Variants in CATSPERG observed in about 807,000 individuals in gnomAD.
The protein encoded by CATSPERG is catsper channel auxiliary subunit gamma, also known as cation channel sperm-associated auxiliary subunit gamma.
Under a neutral mutation model 145.0 loss-of-function variants are expected in CATSPERG, and 115 were observed. The ratio of observed to expected loss-of-function variants is 0.79; its 90% CI spans 0.68 to 0.93. CATSPERG has a LOEUF of 0.93. Ranked by LOEUF, CATSPERG falls within the 40% of genes least tolerant of loss-of-function variation. The pLI is 0.00. For synonymous variants in CATSPERG, 588 were observed against 589.0 expected (o/e 1.00, Z 0.02); for missense variants, 1,296 against 1,490.1 (o/e 0.87, Z 2.14).
chr19:38,341,160 G>T (rs1043960381), intron 3 of CATSPERG, among the ~76,000 whole-genome samples: 1 of 152,140 alleles, frequency 6.6e-6, no homozygotes. Context: ...AAGGTTTTTG[G>T]GGCTTGATGG....
In CATSPERG at chr19:38,343,867, GC is replaced by G. The variant is rs1969979443; in HGVS notation, c.470-122del. 4.3e-6 allele frequency: 6 copies of G among 1,403,470 alleles called. No homozygotes were observed. In the Admixed American group the frequency reaches 1.3e-4, roughly 31 times the overall value. 86.9% of individuals were successfully genotyped at this position (1,403,470 alleles called of 1,614,324 possible). On this transcript the variant is annotated intron_variant, in intron 4 of 28. Coordinates refer to ENST00000409235, the MANE Select transcript of CATSPERG (RefSeq NM_021185.5). ...CATGGCCTAGAGGGGCCACACAGAG[GC>G]CCCAGTGGGACCCATGGCGTGGAGG...
chr19:38,336,705 G>A, intron 1 of CATSPERG: 2 of 257,750 alleles, frequency 7.8e-6, no homozygotes, highest in South Asian at 7.9e-5. Context: ...GGCAGAAGCA[G>A]TACGGGGGAA....
Position 38,359,594 on chromosome 19 carries a change from G to A in CATSPERG, c.1608+13G>A, listed in dbSNP as rs753373186. On this transcript the variant is annotated intron_variant, in intron 14 of 28. Coordinates refer to ENST00000409235, the MANE Select transcript of CATSPERG (RefSeq NM_021185.5). ...AGAGACGGAGGAGGTGGGCTGCCCC[G>A]CCCCTCTCCCCGTTCCCTCTCTGCC... 5.7e-6 allele frequency: 9 copies of A among 1,585,472 alleles called. No individual in the cohort carries two copies. The highest frequency in any genetic ancestry group is 4.5e-5 in the East Asian group (2 of 44,306).
In CATSPERG at chr19:38,370,934, T is replaced by G. The variant is rs1316191745; in HGVS notation, c.*142T>G. On this transcript the variant is annotated 3_prime_UTR_variant, in exon 29 of 29. Transcript: ENST00000409235. ...TCTCGTTCAGACTCAAATAAAGCCT[T>G]TTTTCAGGACCAGCAGTGGGCTCTC... 2 of 880,546 alleles carry G rather than the reference T, an allele frequency of 2.3e-6. No homozygotes were observed. Among genetic ancestry groups the G allele is most frequent in the Admixed American group, 5.2e-5 (2 of 38,632 alleles). 54.5% of individuals were successfully genotyped at this position (880,546 alleles called of 1,614,324 possible).
intron 1 of CATSPERG, 63 bp from the exon 2 acceptor site, chr19:38,337,158 A>G: frequency 6.6e-7 from 1 of 1,521,188 alleles, no homozygotes; most frequent in East Asian, 2.5e-5. Context: ...AGCGAGGTGG[A>G]ATCTTAAAAG....
At chr19:38,364,771 C>T in intron 20 of CATSPERG, 120 bp from the exon 21 acceptor site, 1 of 781,828 alleles carries the variant, frequency 1.3e-6, no homozygotes, top group Non-Finnish European at 2.2e-6. Flanking sequence ...AAAATGGCAG[C>T]CTTCCGTTTT....
At chr19:38,361,261 A>G (rs1970339100) in intron 16 of CATSPERG, among the ~76,000 whole-genome samples, 1 of 151,924 alleles carries the variant, frequency 6.6e-6, no homozygotes, top group South Asian at 2.1e-4. Context: ...GCAGGATCGG[A>G]TTTTACCGCG....
chr19:38,364,842 G>C (rs773414530), intron 20 of CATSPERG, 49 bp from the exon 21 acceptor site: 5 of 1,429,372 alleles, frequency 3.5e-6, no homozygotes, highest in Non-Finnish European at 4.9e-6. Context: ...GGACTTTGGG[G>C]AGACCTGTTC....
Position 38,367,420 on chromosome 19 carries a change from G to T in CATSPERG, c.2771-89G>T. The T allele has an allele frequency of 3.2e-6, 5 of 1,556,792 alleles. No individual in the cohort carries two copies. The South Asian group carries it at 4.7e-5, about 15-fold the overall frequency. Reference sequence around the variant, plus strand: ...CCGCAGACTACCCACCCTTTTTCCTGCGGCATCTCACTTTCCCCCGTCTCG... The same window carrying T: ...CCGCAGACTACCCACCCTTTTTCCTTCGGCATCTCACTTTCCCCCGTCTCG... On this transcript the variant is annotated intron_variant, in intron 23 of 28. Coordinates refer to ENST00000409235, the MANE Select transcript of CATSPERG (RefSeq NM_021185.5).
chr19:38,369,982 C>A lies in CATSPERG; in HGVS notation c.3031C>A (p.Leu1011Met). The stretch of plus-strand genomic sequence containing the variant: ...ATCTTTGGCTTGCAGGTGGCTCTGT[C>A]TGGAGAATGCCCCATGCTATGACAA... ...HESPGIEWLC[L>M]ENAPCYDNVP... The change falls in exon 27 of 29, where the codon CTG becomes ATG. Residue 1011 changes from leucine (L) to methionine (M), a missense_variant. By Grantham distance (15) the Leu-to-Met change is conservative (BLOSUM62 2). Transcript: ENST00000409235. 1.2e-6 allele frequency: 2 copies of A among 1,614,228 alleles called. No homozygotes were observed. The highest frequency in any genetic ancestry group is 1.7e-6 in the Non-Finnish European group (2 of 1,180,026).
intron 7 of CATSPERG, among the ~76,000 whole-genome samples, chr19:38,346,893 G>A (rs550746789): frequency 6.6e-6 from 1 of 152,282 alleles, no homozygotes; most frequent in Non-Finnish European, 1.5e-5. Flanking sequence ...TTACTTCATA[G>A]GATTGTTGTG....
intron 22 of CATSPERG, chr19:38,365,416 G>A (rs749917270): frequency 5.7e-5 from 18 of 315,626 alleles, no homozygotes; most frequent in South Asian, 4.2e-4. Flanking sequence ...GATTATAGGC[G>A]CCCGCCACCA....
chr19:38,364,851 T>C, intron 20 of CATSPERG, 40 bp from the exon 21 acceptor site: 1 of 1,496,236 alleles, frequency 6.7e-7, no homozygotes, highest in Non-Finnish European at 9.3e-7. Context: ...GGAGACCTGT[T>C]CACCCCTTCA....
At chr19:38,357,515 C>CAAAAAA (rs3033507) in intron 11 of CATSPERG, among the ~76,000 whole-genome samples, 9 of 134,130 alleles carry the variant, frequency 6.7e-5, no homozygotes, top group South Asian at 2.5e-4. Flanking sequence ...GACCCGGTCT[C>CAAAAAA]AAAAAAAAAA....
At position 38,358,521 on chromosome 19, in the gene CATSPERG, A is replaced by G; in HGVS notation, c.1456A>G (p.Asn486Asp). The G allele has an allele frequency of 6.2e-7, 1 of 1,614,166 alleles. No homozygotes were observed. The highest frequency in any genetic ancestry group is 8.5e-7 in the Non-Finnish European group (1 of 1,180,024). The part of the protein sequence containing the change: ...APKGIFCNPY[N>D]NLIFIWGNFL... ...CAAGGGCATCTTCTGTAACCCGTAC[A>G]ACAATCTGATCTTCATCTGGGGCAA... The change falls in exon 13 of 29, where the codon AAC becomes GAC. Residue 486 changes from asparagine to aspartate, a missense_variant. Coordinates refer to ENST00000409235, the MANE Select transcript of CATSPERG (RefSeq NM_021185.5).
At chr19:38,368,587 AGG>A (rs1970495744) in intron 26 of CATSPERG, among the ~76,000 whole-genome samples, 1 of 152,224 alleles carries the variant, frequency 6.6e-6, no homozygotes, top group Non-Finnish European at 1.5e-5. Context: ...TTTGTTGCCC[AGG>A]CTGGAATGCA....
intron 7 of CATSPERG, among the ~76,000 whole-genome samples, 172 bp from the exon 8 acceptor site, chr19:38,352,089 G>A (rs958518750): frequency 1.3e-5 from 2 of 152,222 alleles, no homozygotes; most frequent in South Asian, 2.1e-4. Flanking sequence ...TGGTCCATAT[G>A]GGGGAGGTTT....
intron 8 of CATSPERG, 131 bp from the exon 9 acceptor site, chr19:38,354,579 C>A: frequency 1.9e-6 from 2 of 1,057,054 alleles, no homozygotes; most frequent in Non-Finnish European, 2.7e-6. Flanking sequence ...TGCTCCCTGA[C>A]ACCACACTGA....
At chr19:38,345,822 A>G (rs1970032717) in intron 6 of CATSPERG, among the ~76,000 whole-genome samples, 1 of 152,076 alleles carries the variant, frequency 6.6e-6, no homozygotes, top group African/African-American at 2.4e-5. Context: ...TCATACCCAT[A>G]TTCTTAATCC....
Sources: gnomAD v4.1 joint callset for allele counts (sites outside exome capture counted in the v4.1 genomes callset) on GRCh38, gnomAD v4.1.1 for gene constraint, MANE v1.5 for transcripts, NCBI Gene and HGNC (gene_info 2026-07-23, HGNC 2026-07-21) for gene names.